TAF4B: variants seen among roughly 807,000 people sequenced by gnomAD.
TAF4B encodes TATA-box binding protein associated factor 4b, also known as transcription initiation factor TFIID subunit 4B.
Under a neutral mutation model 86.4 loss-of-function variants are expected in TAF4B, and 38 were observed. That is an observed-to-expected ratio of 0.44 (90% confidence interval 0.34 to 0.58). The LOEUF (loss-of-function observed/expected upper bound fraction) is 0.58, where lower values mean the gene tolerates loss of function less well. Ranked by LOEUF, TAF4B falls within the 20% of genes least tolerant of loss-of-function variation. TAF4B has a pLI of 0.02. For missense variants in TAF4B, 988 were observed against 1,027.6 expected (o/e 0.96, Z 0.53); for synonymous variants, 388 against 391.2 (o/e 0.99, Z 0.10).
At chr18:26,260,221 T>G (rs372475577) in intron 1 of TAF4B, among the ~76,000 whole-genome samples, 14 of 152,200 alleles carry the variant, frequency 9.2e-5, no homozygotes, top group Non-Finnish European at 1.6e-4. Flanking sequence ...TTTTCTCCCA[T>G]TCTGTAGGTT....
chr18:26,286,250 G>A lies in TAF4B; in HGVS notation c.1341G>A (p.Thr447=), dbSNP rs980440180. 5.6e-6 allele frequency: 9 copies of A among 1,614,084 alleles called. No individual in the cohort carries two copies. The highest frequency in any genetic ancestry group is 3.3e-5 in the Admixed American group (2 of 60,002). The change falls in exon 7 of 15, where the codon ACG becomes ACA. Residue 447 remains threonine, a synonymous_variant. Coordinates refer to ENST00000269142, the MANE Select transcript of TAF4B (RefSeq NM_005640.3). ...CATCTGTGGCAAACACAGTGACCACGGTCTCACTGCAACCTGAAAAGCCAG... is the reference window on the plus strand; with the variant it reads ...CATCTGTGGCAAACACAGTGACCACAGTCTCACTGCAACCTGAAAAGCCAG... ...LVTSVANTVT[T]VSLQPEKPVV...
chr18:26,372,746 G>A (rs1172977953), intron 14 of TAF4B, among the ~76,000 whole-genome samples: 1 of 151,996 alleles, frequency 6.6e-6, no homozygotes, highest in Non-Finnish European at 1.5e-5. Context: ...TGAGGCGGGT[G>A]GATCACGAGG....
intron 9 of TAF4B, among the ~76,000 whole-genome samples, chr18:26,300,416 A>G (rs2056717724): frequency 6.7e-6 from 1 of 149,270 alleles, no homozygotes; most frequent in African/African-American, 2.5e-5. Flanking sequence ...AAAAAATCCT[A>G]TCAATTTCTC....
chr18:26,257,842 CGTGTGTGTGTGTGTGTGTGT>C (rs57275139), intron 1 of TAF4B, among the ~76,000 whole-genome samples: 8 of 141,530 alleles, frequency 5.7e-5, no homozygotes, highest in African/African-American at 1.6e-4. Context: ...CCTCTGCGTG[CGTGTGTGTGTGTGTGTGTGT>C]GTGTGTGTGT....
At chr18:26,324,753 A>G (rs1328789542) in intron 11 of TAF4B, among the ~76,000 whole-genome samples, 1 of 152,188 alleles carries the variant, frequency 6.6e-6, no homozygotes, top group East Asian at 1.9e-4. Flanking sequence ...AGCTAATGCC[A>G]CTGTCTACAT....
intron 5 of TAF4B, among the ~76,000 whole-genome samples, chr18:26,281,334 G>GA (rs917392483): frequency 6.6e-6 from 1 of 151,934 alleles, no homozygotes; most frequent in Non-Finnish European, 1.5e-5. Context: ...ACTTCATGAA[G>GA]AAAAAACCAG....
chr18:26,286,704 G>A (rs1297355055), intron 7 of TAF4B, among the ~76,000 whole-genome samples: 2 of 150,360 alleles, frequency 1.3e-5, no homozygotes, highest in Admixed American at 1.3e-4. Context: ...TTTTTTTAAA[G>A]ACAGAGTCTT....
chr18:26,361,908 G>T (rs906683327), intron 14 of TAF4B, among the ~76,000 whole-genome samples: 2 of 152,040 alleles, frequency 1.3e-5, no homozygotes, highest in South Asian at 2.1e-4. Context: ...TTAAATTGGG[G>T]TGTGCTATTT....
chr18:26,281,510 A>G (rs1308615662), intron 5 of TAF4B, among the ~76,000 whole-genome samples: 2 of 152,216 alleles, frequency 1.3e-5, no homozygotes, highest in Admixed American at 6.5e-5. Flanking sequence ...AAGTACTTCT[A>G]CTAATTCTGG....
chr18:26,288,088 G>A (rs2056547247), intron 7 of TAF4B, among the ~76,000 whole-genome samples: 1 of 152,170 alleles, frequency 6.6e-6, no homozygotes, highest in African/African-American at 2.4e-5. Flanking sequence ...TAGAGGAATT[G>A]CCCCAAGGAA....
intron 1 of TAF4B, among the ~76,000 whole-genome samples, chr18:26,231,034 CTTTTTTT>C (rs536863843): frequency 0.029 from 1,900 of 66,190 alleles, 15 homozygotes; most frequent in Non-Finnish European, 0.041. Context: ...TGTTGTTTTG[CTTTTTTT>C]TTTTTTTTTT....
chr18:26,346,181 C>T (rs1038656801), intron 13 of TAF4B, among the ~76,000 whole-genome samples: 1 of 151,924 alleles, frequency 6.6e-6, no homozygotes, highest in Non-Finnish European at 1.5e-5. Flanking sequence ...AATAAAGAAC[C>T]AAACAGAAAT....
intron 1 of TAF4B, among the ~76,000 whole-genome samples, chr18:26,241,331 G>A (rs2055835347): frequency 6.6e-6 from 1 of 152,168 alleles, no homozygotes; most frequent in Admixed American, 6.5e-5. Flanking sequence ...ATGTGTCCAG[G>A]AATTTATGCA....
Position 26,357,732 on chromosome 18 carries a change from A to G in TAF4B, c.2359A>G (p.Asn787Asp). 1 of 1,613,330 alleles carries G rather than the reference A, an allele frequency of 6.2e-7. No homozygotes were observed. The highest frequency in any genetic ancestry group is 8.5e-7 in the Non-Finnish European group (1 of 1,179,602). The change falls in exon 14 of 15, where the codon AAT (asparagine) becomes GAT (aspartate). Residue 787 changes from asparagine to aspartate, a missense_variant. Asn to Asp is a conservative substitution (Grantham distance 23). Around this residue, in one of 3 missense-constraint regions of TAF4B, gnomAD observed 216 missense variants for 238.4 expected, o/e 0.91. Transcript: ENST00000269142. ...TGCACAGATACAGCATAGAGACGCT[A>G]ATCTCACAGCTCTTGCAGCTATTGG... ...ELAQIQHRDA[N>D]LTALAAIGPR... is the part of the protein sequence containing the mutation.
At chr18:26,269,049 C>G (rs2056279406) in intron 3 of TAF4B, among the ~76,000 whole-genome samples, 1 of 152,108 alleles carries the variant, frequency 6.6e-6, no homozygotes, top group Non-Finnish European at 1.5e-5. Flanking sequence ...GTCTCGAACT[C>G]TTGACCAAGT....
intron 9 of TAF4B, among the ~76,000 whole-genome samples, chr18:26,301,373 A>G (rs1427490960): frequency 6.6e-6 from 1 of 151,608 alleles, no homozygotes; most frequent in Non-Finnish European, 1.5e-5. Context: ...TGCAGCCTTG[A>G]ACTTCTAGGC....
In TAF4B at chr18:26,286,069, C is replaced by T. The variant is rs1385260101; in HGVS notation, c.1160C>T (p.Ala387Val). Residue 387 changes from alanine to valine, a missense_variant, in exon 7 of 15, where the codon GCA becomes GTA. Transcript: ENST00000269142. ...EKSIIVSGATAPRTVSVQTLN... is the reference protein window; with the variant it reads ...EKSIIVSGATVPRTVSVQTLN... ...TCAATTATTGTTTCTGGAGCAACAGCACCCAGAACTGTGTCAGTGCAAACT... is the reference window on the plus strand; with the variant it reads ...TCAATTATTGTTTCTGGAGCAACAGTACCCAGAACTGTGTCAGTGCAAACT... 1.2e-6 allele frequency: 2 copies of T among 1,614,222 alleles called. No homozygotes were observed. The highest frequency in any genetic ancestry group is 2.2e-5 in the East Asian group (1 of 44,884).
intron 9 of TAF4B, among the ~76,000 whole-genome samples, chr18:26,301,292 GTT>G (rs373495502): frequency 4.9e-5 from 7 of 143,326 alleles, no homozygotes; most frequent in Admixed American, 7.0e-5. Flanking sequence ...TGTTGTTGTT[GTT>G]TTTTTTTTTT....
At chr18:26,310,388 A>G (rs774537764) in intron 9 of TAF4B, among the ~76,000 whole-genome samples, 14 of 152,164 alleles carry the variant, frequency 9.2e-5, no homozygotes, top group Admixed American at 5.2e-4. Flanking sequence ...TAAAAACACT[A>G]TTGCTTGAGA....
Sources: allele counts gnomAD v4.1 joint callset (sites outside exome capture counted in the v4.1 genomes callset), GRCh38; gene constraint gnomAD v4.1.1; regional missense constraint gnomAD v4.1.1; transcripts MANE v1.5; gene names NCBI Gene and HGNC (gene_info 2026-07-23, HGNC 2026-07-21).